The following EYS variants were observed in gnomAD, a reference collection of about 807,000 sequenced individuals.
EYS encodes protein eyes shut homolog.
A neutral mutation model predicts 282.1 loss-of-function variants in EYS; 250 were observed. The ratio of observed to expected loss-of-function variants is 0.89; its 90% CI spans 0.80 to 0.98. EYS has a LOEUF of 0.98. Among genes scored for constraint, EYS ranks in the 50% least tolerant of loss-of-function variants. EYS has a pLI of 0.00. For synonymous variants in EYS, 1,355 were observed against 1,282.9 expected (o/e 1.06, Z -1.20); for missense variants, 4,016 against 3,709.0 (o/e 1.08, Z -2.15).
intron 41 of EYS, among the ~76,000 whole-genome samples, chr6:63,731,810 T>A (rs1342486029): frequency 1.3e-5 from 2 of 152,220 alleles, no homozygotes; most frequent in East Asian, 1.9e-4. Flanking sequence ...ACTTTTAGCA[T>A]CTTACAAGTA....
intron 24 of EYS, among the ~76,000 whole-genome samples, chr6:64,601,691 A>G (rs1374756284): frequency 6.6e-6 from 1 of 152,068 alleles, no homozygotes; most frequent in Non-Finnish European, 1.5e-5. Context: ...TATTTTAAGA[A>G]CCTGAATAAG....
chr6:65,459,598 T>C (rs1228408787), intron 5 of EYS, among the ~76,000 whole-genome samples: 1 of 151,784 alleles, frequency 6.6e-6, no homozygotes, highest in Non-Finnish European at 1.5e-5. Flanking sequence ...TACAACTTTA[T>C]ACCAAAGATG....
At chr6:63,894,996 T>C (rs1319251802) in intron 35 of EYS, among the ~76,000 whole-genome samples, 3 of 152,144 alleles carry the variant, frequency 2.0e-5, no homozygotes, top group Admixed American at 6.5e-5. Flanking sequence ...ACAGGGCCAT[T>C]GAGACTTGCC....
At chr6:65,210,868 T>C (rs1036801626) in intron 12 of EYS, among the ~76,000 whole-genome samples, 9 of 152,034 alleles carry the variant, frequency 5.9e-5, no homozygotes, top group African/African-American at 2.2e-4. Context: ...TAATGGCCTC[T>C]TGACTAGCAA....
chr6:64,667,148 A>G (rs1445804696), intron 22 of EYS, among the ~76,000 whole-genome samples: 1 of 150,536 alleles, frequency 6.6e-6, no homozygotes, highest in Non-Finnish European at 1.5e-5. Flanking sequence ...TGAAATGTGT[A>G]AGAGCACAGA....
At chr6:65,027,203 C>T (rs374724047) in intron 13 of EYS, among the ~76,000 whole-genome samples, 4 of 152,092 alleles carry the variant, frequency 2.6e-5, no homozygotes, top group Admixed American at 6.6e-5. Flanking sequence ...ACCTTAATGT[C>T]GTCAATCAAA....
In EYS at chr6:64,812,386, T is replaced by A. The variant is rs930507055; in HGVS notation, c.3443+992A>T. ...ATAAACATTGTTTGCCTATGCTAAATGTAAGTTAATATTCTTGAACTTATA... is the reference window on the plus strand; with the variant it reads ...ATAAACATTGTTTGCCTATGCTAAAAGTAAGTTAATATTCTTGAACTTATA... On this transcript the variant is annotated intron_variant, in intron 22 of 42. Transcript: ENST00000503581. Among the ~76,000 whole-genome samples the A allele has an allele frequency of 1.0e-3, 155 of 152,148 alleles. 1 individual carries two copies. The highest frequency in any genetic ancestry group is 3.6e-3 in the African/African-American group (149 of 41,546).
chr6:65,310,126 T>C (rs575923619), intron 11 of EYS, among the ~76,000 whole-genome samples: 2 of 152,166 alleles, frequency 1.3e-5, no homozygotes, highest in South Asian at 4.1e-4. Context: ...GACAGATCAC[T>C]TGAGGTCAGG....
intron 4 of EYS, among the ~76,000 whole-genome samples, chr6:65,491,842 T>C (rs1766057016): frequency 6.6e-6 from 1 of 152,050 alleles, no homozygotes. Context: ...GCAATTAAGG[T>C]TAAATAAGGT....
chr6:65,265,730 T>C (rs1214190464), intron 12 of EYS, among the ~76,000 whole-genome samples: 1 of 151,958 alleles, frequency 6.6e-6, no homozygotes, highest in Non-Finnish European at 1.5e-5. Flanking sequence ...TTTTGAAGAA[T>C]ATATCAAATG....
chr6:65,440,376 A>T (rs1400780225), intron 5 of EYS, among the ~76,000 whole-genome samples: 3 of 131,466 alleles, frequency 2.3e-5, no homozygotes, highest in African/African-American at 7.5e-5. Flanking sequence ...ACAACCTTCA[A>T]TAAAAAAAAA....
intron 22 of EYS, among the ~76,000 whole-genome samples, chr6:64,703,382 G>C (rs1359918801): frequency 1.1e-3 from 38 of 35,890 alleles, no homozygotes; most frequent in South Asian, 4.4e-3. Context: ...CACACACACA[G>C]ACACACACAC....
intron 36 of EYS, among the ~76,000 whole-genome samples, chr6:63,861,738 C>T (rs1772536076): frequency 6.6e-6 from 1 of 152,086 alleles, no homozygotes; most frequent in African/African-American, 2.4e-5. Flanking sequence ...GGATTAGTGC[C>T]CTTATAAAAG....
rs972967632 is a variant in EYS at position 64,230,566 on chromosome 6, A to G, written c.6424+26T>C. On this transcript the variant is annotated intron_variant, in intron 31 of 42. Transcript: ENST00000503581. ...TCTGGAGAGGTTTTTAAAAAGAAATACAAAAGGGTAATGAAGATTGATTAC... is the reference window on the plus strand; with the variant it reads ...TCTGGAGAGGTTTTTAAAAAGAAATGCAAAAGGGTAATGAAGATTGATTAC... 1.0e-5 allele frequency: 15 copies of G among 1,502,056 alleles called. No homozygotes were observed. The African/African-American group carries it at 1.3e-4, about 13-fold the overall frequency. 93.0% of individuals were successfully genotyped at this position (1,502,056 alleles called of 1,614,324 possible).
intron 29 of EYS, among the ~76,000 whole-genome samples, chr6:64,331,959 T>C (rs547507784): frequency 6.6e-6 from 1 of 152,312 alleles, no homozygotes; most frequent in East Asian, 1.9e-4. Context: ...TAAAGGACAT[T>C]ATTTCTAGAT....
chr6:64,904,073 A>G (rs1767749620), intron 16 of EYS, among the ~76,000 whole-genome samples: 1 of 151,664 alleles, frequency 6.6e-6, no homozygotes, highest in Admixed American at 6.6e-5. Flanking sequence ...AGACTAAATA[A>G]CAGAAGAAAC....
At chr6:64,180,407 A>G (rs747112620) in intron 31 of EYS, among the ~76,000 whole-genome samples, 1 of 152,160 alleles carries the variant, frequency 6.6e-6, no homozygotes, top group Non-Finnish European at 1.5e-5. Flanking sequence ...AGGTCAATAA[A>G]TTAGGTTTAA....
chr6:64,371,862 A>G (rs1278104657), intron 29 of EYS, among the ~76,000 whole-genome samples: 1 of 151,972 alleles, frequency 6.6e-6, no homozygotes, highest in Non-Finnish European at 1.5e-5. Flanking sequence ...TTCCATTTGC[A>G]TGGTAGGTTT....
chr6:64,098,604 T>TTTC (rs1213894358), intron 31 of EYS, among the ~76,000 whole-genome samples: 21 of 126,260 alleles, frequency 1.7e-4, no homozygotes, highest in African/African-American at 7.4e-4. Context: ...TCTTTCTTTC[T>TTTC]TTTTTTTTTT....
Sources: allele counts gnomAD v4.1 joint callset (sites outside exome capture counted in the v4.1 genomes callset), GRCh38; gene constraint gnomAD v4.1.1; transcripts MANE v1.5; gene names NCBI Gene and HGNC (gene_info 2026-07-23, HGNC 2026-07-21).